The following CHODL variants were observed in gnomAD, a reference collection of about 807,000 sequenced individuals.
The protein encoded by CHODL is transmembrane protein MT75.
Under a neutral mutation model 34.5 loss-of-function variants are expected in CHODL, and 29 were observed. That is an observed-to-expected ratio of 0.84 (90% CI 0.63 to 1.15). The LOEUF is 1.15. Ranked by LOEUF, CHODL falls within the 50% of genes most tolerant of loss-of-function variation. The pLI is 0.00. For missense variants in CHODL, 332 were observed against 332.5 expected, an observed-to-expected ratio of 1.00 and a Z score of 0.01; for synonymous variants, 125 against 116.1, an observed-to-expected ratio of 1.08 and a Z score of -0.49.
intron 2 of CHODL, among the ~76,000 whole-genome samples, chr21:18,171,735 A>G (rs201413216): frequency 3.2e-5 from 1 of 31,110 alleles, no homozygotes; most frequent in East Asian, 6.7e-4. Context: ...TATTCTCTTC[A>G]GTTTTTTTTT....
At chr21:18,159,250 C>A (rs2073068957) in intron 2 of CHODL, among the ~76,000 whole-genome samples, 1 of 152,174 alleles carries the variant, frequency 6.6e-6, no homozygotes, top group Non-Finnish European at 1.5e-5. Flanking sequence ...TCAAGGTTGA[C>A]AAACCCTGGC....
At chr21:18,234,515 G>T (rs2074011446) in intron 2 of CHODL, among the ~76,000 whole-genome samples, 1 of 151,970 alleles carries the variant, frequency 6.6e-6, no homozygotes. Context: ...GGTCTCTTAT[G>T]GGTAACTCAT....
At chr21:17,983,130 C>T (rs1568829568) in intron 1 of CHODL, among the ~76,000 whole-genome samples, 1 of 152,132 alleles carries the variant, frequency 6.6e-6, no homozygotes, top group Non-Finnish European at 1.5e-5. Flanking sequence ...ACATTCATCA[C>T]AATATGCATA....
At chr21:18,263,754 C>T (rs2074410789) in intron 5 of CHODL, among the ~76,000 whole-genome samples, 2 of 152,116 alleles carry the variant, frequency 1.3e-5, no homozygotes, top group African/African-American at 4.8e-5. Flanking sequence ...GAAGGACCTG[C>T]AAACAAATTC....
At chr21:18,155,912 A>T (rs530280275) in intron 2 of CHODL, among the ~76,000 whole-genome samples, 5 of 152,372 alleles carry the variant, frequency 3.3e-5, no homozygotes, top group Admixed American at 1.3e-4. Flanking sequence ...TCTCAGGGTC[A>T]TCATTTTGCT....
At chr21:18,044,033 G>A (rs2064410386) in intron 2 of CHODL, among the ~76,000 whole-genome samples, 1 of 151,998 alleles carries the variant, frequency 6.6e-6, no homozygotes, top group Non-Finnish European at 1.5e-5. Context: ...AATTCAAGAT[G>A]AGATTTGGGT....
At chr21:18,048,992 G>A (rs1048789358) in intron 2 of CHODL, among the ~76,000 whole-genome samples, 1 of 151,792 alleles carries the variant, frequency 6.6e-6, no homozygotes, top group Non-Finnish European at 1.5e-5. Flanking sequence ...CTTTAGTATT[G>A]ATTAATCATT....
chr21:18,156,634 A>C (rs916283102), intron 2 of CHODL, among the ~76,000 whole-genome samples: 2 of 152,176 alleles, frequency 1.3e-5, no homozygotes, highest in African/African-American at 2.4e-5. Flanking sequence ...ATTCCTGTTA[A>C]ATTTAATATG....
intron 1 of CHODL, among the ~76,000 whole-genome samples, chr21:17,933,113 TTTTC>T (rs2063288829): frequency 6.6e-6 from 1 of 152,100 alleles, no homozygotes; most frequent in Admixed American, 6.5e-5. Context: ...CCTAAGGTGG[TTTTC>T]CCCTATCTCA....
chr21:18,144,320 T>C (rs2072839094), intron 2 of CHODL, among the ~76,000 whole-genome samples: 1 of 152,170 alleles, frequency 6.6e-6, no homozygotes, highest in African/African-American at 2.4e-5. Flanking sequence ...AGCACTGAAA[T>C]ATTATGTAGA....
At chr21:18,017,135 G>A (rs1037747518) in intron 1 of CHODL, among the ~76,000 whole-genome samples, 3 of 152,152 alleles carry the variant, frequency 2.0e-5, no homozygotes, top group Non-Finnish European at 4.4e-5. Context: ...TTAAGACTTT[G>A]CGGGATTGTT....
chr21:18,059,848 C>G (rs1466880748), intron 2 of CHODL, among the ~76,000 whole-genome samples: 1 of 152,124 alleles, frequency 6.6e-6, no homozygotes, highest in Non-Finnish European at 1.5e-5. Context: ...ATTTGCAGAA[C>G]CTGGTTTCTT....
At chr21:18,157,315 A>G (rs1331964465) in intron 2 of CHODL, among the ~76,000 whole-genome samples, 2 of 152,216 alleles carry the variant, frequency 1.3e-5, no homozygotes, top group East Asian at 1.9e-4. Context: ...ACTACCATCA[A>G]TATTGCCATT....
intron 1 of CHODL, among the ~76,000 whole-genome samples, chr21:18,250,797 C>G (rs899367402): frequency 6.6e-6 from 1 of 151,794 alleles, no homozygotes; most frequent in East Asian, 1.9e-4. Flanking sequence ...TCTAATAAAA[C>G]ATTCTAAGTT....
intron 2 of CHODL, among the ~76,000 whole-genome samples, chr21:18,131,639 T>A (rs930066367): frequency 2.6e-5 from 4 of 152,204 alleles, no homozygotes; most frequent in Non-Finnish European, 5.9e-5. Context: ...ACTGGTTTTT[T>A]AATAATGATG....
At chr21:18,003,361 C>G (rs995264908) in intron 1 of CHODL, among the ~76,000 whole-genome samples, 1 of 146,852 alleles carries the variant, frequency 6.8e-6, no homozygotes, top group Admixed American at 6.9e-5. Context: ...GATTATAAGA[C>G]TTCAGAAAAA....
chr21:18,091,068 T>C lies in CHODL; in HGVS notation c.-45+63097T>C, dbSNP rs2065067552. ...GGGAAAGCACAGCACCTGGGGGACT[T>C]TGCATTGATCTCAATGTTTCCCTGT... On this transcript the variant is annotated intron_variant, in intron 2 of 6. Transcript: ENST00000400127. Among the ~76,000 whole-genome samples, 3 of 152,180 alleles carry C rather than the reference T, an allele frequency of 2.0e-5. No individual in the cohort carries two copies. In the South Asian group the frequency reaches 6.2e-4, roughly 32 times the overall value.
At chr21:18,248,694 C>T (rs28473148) in intron 1 of CHODL, among the ~76,000 whole-genome samples, 4 of 108,046 alleles carry the variant, frequency 3.7e-5, no homozygotes, top group African/African-American at 1.7e-4. Flanking sequence ...ATATTATATA[C>T]ATATATATGT....
At chr21:18,234,916 A>G (rs192937565) in intron 2 of CHODL, among the ~76,000 whole-genome samples, 11 of 152,266 alleles carry the variant, frequency 7.2e-5, no homozygotes, top group Non-Finnish European at 1.2e-4. Context: ...CAGAAGGTAG[A>G]TTTTCTTCAA....
Sources: gnomAD v4.1 joint callset for allele counts (sites outside exome capture counted in the v4.1 genomes callset) on GRCh38, gnomAD v4.1.1 for gene constraint, MANE v1.5 for transcripts, NCBI Gene and HGNC (gene_info 2026-07-23, HGNC 2026-07-21) for gene names.